LAMA2: variants seen among roughly 807,000 people sequenced by gnomAD.
The protein encoded by LAMA2 is laminin subunit alpha-2.
In LAMA2, 269 loss-of-function variants were observed where a neutral mutation model predicts 364.8. The observed-to-expected ratio is 0.74, with a 90% CI of 0.67 to 0.82. The LOEUF is 0.82. LAMA2 is among the 40% of genes least tolerant of loss of function. The pLI is 0.00. For missense variants in LAMA2, 3,807 were observed against 3,873.2 expected (o/e 0.98, Z 0.45); for synonymous variants, 1,379 against 1,370.6 (o/e 1.01, Z -0.14).
rs142733001 is a variant in LAMA2, at chr6:129,414,533, A to G, written c.5865+10574A>G. 1.6e-3 allele frequency among the ~76,000 whole-genome samples: 237 copies of G among 152,274 alleles called. 1 individual carries two copies. Among genetic ancestry groups the G allele is most frequent in the African/African-American group, 5.5e-3 (229 of 41,562 alleles). ...AATAGAGGTGTCTGTATTAATTTCTAATCGTATCTATCTTATTTCCTACTT... is the reference window on the plus strand; with the variant it reads ...AATAGAGGTGTCTGTATTAATTTCTGATCGTATCTATCTTATTTCCTACTT... On this transcript the variant is annotated intron_variant, in intron 40 of 64. Transcript: ENST00000421865.
chr6:129,512,343 T>G lies in LAMA2; in HGVS notation c.8858-20T>G. The G allele has an allele frequency of 4.3e-6, 7 of 1,612,162 alleles. No individual in the cohort carries two copies. The highest frequency in any genetic ancestry group is 5.9e-6 in the Non-Finnish European group (7 of 1,178,398). On this transcript the variant is annotated intron_variant, in intron 62 of 64. Coordinates refer to ENST00000421865, the MANE Select transcript of LAMA2 (RefSeq NM_000426.4). Reference sequence around the variant, plus strand: ...TCCCCATCCTCTAATCCAAAATATTTTAAAATCTTCATTTTACAGTTGGTG... The same window carrying G: ...TCCCCATCCTCTAATCCAAAATATTGTAAAATCTTCATTTTACAGTTGGTG...
intron 8 of LAMA2, among the ~76,000 whole-genome samples, chr6:129,156,030 T>C (rs1779094224): frequency 6.6e-6 from 1 of 151,908 alleles, no homozygotes; most frequent in South Asian, 2.1e-4. Context: ...TACAGCATGG[T>C]GACTGTAGTT....
At chr6:129,062,529 T>C (rs1225740443) in intron 3 of LAMA2, among the ~76,000 whole-genome samples, 2 of 152,156 alleles carry the variant, frequency 1.3e-5, no homozygotes, top group Non-Finnish European at 2.9e-5. Flanking sequence ...GCCAACAACC[T>C]GTTTCGTTAT....
Position 129,431,065 on chromosome 6 carries a change from C to T in LAMA2, c.5968+3211C>T, listed in dbSNP as rs116383506. ...ATTTATCCCCAATTTTTGTCTTTGC[C>T]CAAGATAAATGAAATTATTTAATTA... On this transcript the variant is annotated intron_variant, in intron 41 of 64. Coordinates refer to ENST00000421865, the MANE Select transcript of LAMA2 (RefSeq NM_000426.4). Among the ~76,000 whole-genome samples the T allele has an allele frequency of 2.6e-3, 401 of 151,542 alleles. 1 individual carries two copies. Among genetic ancestry groups the T allele is most frequent in the African/African-American group, 9.3e-3 (386 of 41,290 alleles).
intron 41 of LAMA2, among the ~76,000 whole-genome samples, chr6:129,433,125 G>C (rs1040559337): frequency 6.6e-6 from 1 of 152,150 alleles, no homozygotes; most frequent in Non-Finnish European, 1.5e-5. Context: ...ACTAGGGAAA[G>C]GGAAGCACAG....
At chr6:128,992,047 G>T (rs145618142) in intron 1 of LAMA2, among the ~76,000 whole-genome samples, 1 of 152,136 alleles carries the variant, frequency 6.6e-6, no homozygotes, top group Non-Finnish European at 1.5e-5. Context: ...TGTTTAAAAC[G>T]TCAGATGCAA....
chr6:129,099,881 C>T (rs529230998), intron 4 of LAMA2, among the ~76,000 whole-genome samples: 2 of 152,194 alleles, frequency 1.3e-5, no homozygotes, highest in African/African-American at 2.4e-5. Flanking sequence ...AACAGCTGTT[C>T]AACCTGCTTT....
chr6:129,403,705 T>G, intron 39 of LAMA2, 116 bp from the exon 40 acceptor site: 1 of 917,316 alleles, frequency 1.1e-6, no homozygotes, highest in Non-Finnish European at 1.8e-6. Context: ...TTATTTGGAA[T>G]TGTCATAGAT....
At chr6:129,416,464 T>C in intron 40 of LAMA2, among the ~76,000 whole-genome samples, 1 of 152,126 alleles carries the variant, frequency 6.6e-6, no homozygotes, top group Non-Finnish European at 1.5e-5. Context: ...CATGCAGTCT[T>C]GGTGGGAGTT....
At chr6:129,253,717 G>A (rs1484677972) in intron 14 of LAMA2, among the ~76,000 whole-genome samples, 1 of 152,166 alleles carries the variant, frequency 6.6e-6, no homozygotes, top group Non-Finnish European at 1.5e-5. Flanking sequence ...ATTTTTGTCA[G>A]CATTGCTTTT....
At chr6:128,925,207 T>A (rs1365391494) in intron 1 of LAMA2, among the ~76,000 whole-genome samples, 1 of 152,188 alleles carries the variant, frequency 6.6e-6, no homozygotes, top group Non-Finnish European at 1.5e-5. Context: ...GAAAAGATAT[T>A]TATACATCTC....
chr6:129,358,077 T>C (rs1195568541), intron 32 of LAMA2, among the ~76,000 whole-genome samples: 3 of 152,078 alleles, frequency 2.0e-5, no homozygotes, highest in Non-Finnish European at 2.9e-5. Context: ...TAGTCTAAGC[T>C]GTGTCATGTT....
intron 10 of LAMA2, among the ~76,000 whole-genome samples, chr6:129,180,334 T>A (rs1780854853): frequency 6.6e-6 from 1 of 152,172 alleles, no homozygotes; most frequent in Non-Finnish European, 1.5e-5. Context: ...AATAAGTATT[T>A]ATCTGTAAAT....
At chr6:129,418,911 A>G (rs1780933302) in intron 40 of LAMA2, among the ~76,000 whole-genome samples, 3 of 152,210 alleles carry the variant, frequency 2.0e-5, no homozygotes, top group Non-Finnish European at 4.4e-5. Flanking sequence ...TATCATGTAC[A>G]ACATGATGCT....
At chr6:129,342,239 A>G in intron 29 of LAMA2, 104 bp from the exon 30 acceptor site, 2 of 915,524 alleles carry the variant, frequency 2.2e-6, no homozygotes, top group East Asian at 2.5e-5. Context: ...GTAAGAAAGT[A>G]TATGTGTTCA....
rs1274767167 is a variant in LAMA2, at chr6:129,157,914, C to T, written c.1206+3231C>T. On this transcript the variant is annotated intron_variant, in intron 8 of 64. Coordinates refer to ENST00000421865, the MANE Select transcript of LAMA2 (RefSeq NM_000426.4). ...TTCTGGAGCCAGGTAGCGTTTGGTG[C>T]CCACCCTGGTATTCAAGGGCACATC... 5 of 1,614,072 alleles carry T rather than the reference C, an allele frequency of 3.1e-6. No individual in the cohort carries two copies. In the African/African-American group the frequency reaches 6.7e-5, roughly 22 times the overall value.
intron 3 of LAMA2, among the ~76,000 whole-genome samples, chr6:129,078,674 C>A (rs1773822783): frequency 6.6e-6 from 1 of 151,970 alleles, no homozygotes; most frequent in Non-Finnish European, 1.5e-5. Flanking sequence ...ACATAACAAA[C>A]AATTTTTTAT....
chr6:129,456,427 G>C lies in LAMA2; in HGVS notation c.6800G>C (p.Gly2267Ala), dbSNP rs1256140728. The change falls in exon 48 of 65, where the codon GGG becomes GCG. Residue 2267 changes from glycine to alanine, a missense_variant. Coordinates refer to ENST00000421865, the MANE Select transcript of LAMA2 (RefSeq NM_000426.4). ...ACACACCATTCGACGTCTCCTCCAG[G>C]GTACACGATTCTAGATGTGGATGCA... ...PSTHHSTSPP[G>A]YTILDVDANA... The C allele has an allele frequency of 7.4e-6, 12 of 1,613,462 alleles. No homozygotes were observed.
rs1211379716 is a variant in LAMA2, at chr6:129,492,068, T to C, written c.8066T>C (p.Ile2689Thr). The C allele has an allele frequency of 6.2e-7, 1 of 1,613,556 alleles. No individual in the cohort carries two copies. The highest frequency in any genetic ancestry group is 2.2e-5 in the East Asian group (1 of 44,860). ...PFEGCIWNLV[I>T]NSVPMDFARP... Reference sequence around the variant, plus strand: ...GAAGGCTGCATATGGAATCTTGTTATTAACTCTGTGTAAGTGGATCTCCTC... The same window carrying C: ...GAAGGCTGCATATGGAATCTTGTTACTAACTCTGTGTAAGTGGATCTCCTC... Residue 2689 changes from isoleucine (I) to threonine (T), a missense_variant, in exon 57 of 65, where the codon ATT (isoleucine) becomes ACT (threonine). This residue lies in a region of LAMA2 where 3,333 missense variants were observed against 3,345.7 expected (regional missense o/e 1.00). Coordinates refer to ENST00000421865, the MANE Select transcript of LAMA2 (RefSeq NM_000426.4).
Sources: allele counts gnomAD v4.1 joint callset (sites outside exome capture counted in the v4.1 genomes callset), GRCh38; gene constraint gnomAD v4.1.1; regional missense constraint gnomAD v4.1.1; transcripts MANE v1.5; gene names NCBI Gene and HGNC (gene_info 2026-07-23, HGNC 2026-07-21).